CCDC178: variants seen among roughly 807,000 people sequenced by gnomAD.
CCDC178 encodes the protein coiled-coil domain containing 178.
In CCDC178, 126 loss-of-function variants were observed where a neutral mutation model predicts 117.4. That is an observed-to-expected ratio of 1.07 (90% confidence interval 0.93 to 1.24). CCDC178 has a LOEUF of 1.24. Among genes scored for constraint, CCDC178 ranks in the 50% most tolerant of loss-of-function variants. The pLI, the probability that CCDC178 is intolerant of heterozygous loss-of-function variation, is 0.00. For missense variants in CCDC178, 1,030 were observed against 986.9 expected (o/e 1.04, Z -0.59); for synonymous variants, 283 against 313.4 (o/e 0.90, Z 1.02).
chr18:33,369,210 T>C lies in CCDC178; in HGVS notation c.348+840A>G, dbSNP rs375966677. On this transcript the variant is annotated intron_variant, in intron 6 of 22. Coordinates refer to ENST00000383096, the MANE Select transcript of CCDC178 (RefSeq NM_001105528.4). ...GTAACAGTGACAAATATATATTGAG[T>C]GCATATCATTTGCTGGTACTTGTTC... is the stretch of plus-strand genomic sequence containing the variant. Among the ~76,000 whole-genome samples the C allele has an allele frequency of 2.6e-5, 4 of 152,042 alleles. No individual in the cohort carries two copies. In the East Asian group the frequency reaches 5.8e-4, roughly 22 times the overall value.
chr18:32,980,485 G>A (rs2055128851), intron 21 of CCDC178, among the ~76,000 whole-genome samples: 1 of 146,754 alleles, frequency 6.8e-6, no homozygotes, highest in African/African-American at 2.5e-5. Context: ...GCAGGAGAAT[G>A]GCGTGAACCC....
intron 21 of CCDC178, among the ~76,000 whole-genome samples, chr18:32,997,604 A>ATGTG (rs572970731): frequency 2.0e-5 from 3 of 151,364 alleles, no homozygotes; most frequent in African/African-American, 7.3e-5. Context: ...CATAAAGTGT[A>ATGTG]TGTGTGTGTG....
intron 15 of CCDC178, among the ~76,000 whole-genome samples, chr18:33,240,808 A>G (rs2059478334): frequency 6.6e-6 from 1 of 151,956 alleles, no homozygotes; most frequent in Admixed American, 6.6e-5. Flanking sequence ...TTCTGAAACT[A>G]TTCCACAAAA....
At chr18:32,989,024 T>C (rs1432413023) in intron 21 of CCDC178, among the ~76,000 whole-genome samples, 1 of 152,140 alleles carries the variant, frequency 6.6e-6, no homozygotes, top group Non-Finnish European at 1.5e-5. Flanking sequence ...TAGGATAATT[T>C]TTCCAAGTTT....
chr18:33,209,949 C>G (rs1328876736), intron 20 of CCDC178, among the ~76,000 whole-genome samples: 2 of 151,914 alleles, frequency 1.3e-5, no homozygotes, highest in African/African-American at 2.4e-5. Flanking sequence ...GAGACACACA[C>G]AGACAGAGAG....
At position 33,293,163 on chromosome 18, in the gene CCDC178, TTTGATAGAG is replaced by T. The variant is rs1463500302; in HGVS notation, c.1163_1171del (p.Ser388_Lys391delinsTer). 5.1e-6 allele frequency: 8 copies of T among 1,564,690 alleles called. No individual in the cohort carries two copies. Among genetic ancestry groups the T allele is most frequent in the Admixed American group, 3.8e-5 (2 of 53,174 alleles). On this transcript the variant is annotated stop_gained and inframe_deletion, in exon 12 of 23. Transcript: ENST00000383096. LOFTEE classifies it high-confidence loss of function. ...TTTCTAATATGAAAAACTCACCATT[TTTGATAGAG>T]AATGTAATTCATTTTTTGATGACTT...
At position 33,110,496 on chromosome 18, in the gene CCDC178, C is replaced by A. The variant is rs1413108491; in HGVS notation, c.2239-17586G>T. On this transcript the variant is annotated intron_variant, in intron 20 of 22. Transcript: ENST00000383096. ...TTACAAAATAAATCAGATGTTCTCA[C>A]AGGTTTTTCCCTAAAAGCTTTACAT... Among the ~76,000 whole-genome samples, 4 of 151,702 alleles carry A rather than the reference C, an allele frequency of 2.6e-5. No individual in the cohort carries two copies. The South Asian group carries it at 8.3e-4, about 31-fold the overall frequency.
intron 20 of CCDC178, among the ~76,000 whole-genome samples, chr18:33,098,853 T>C (rs1419239740): frequency 1.3e-5 from 2 of 152,054 alleles, no homozygotes; most frequent in Non-Finnish European, 2.9e-5. Context: ...TAATTCCTGT[T>C]CGCCAAGGAT....
At chr18:33,174,173 G>C (rs537383920) in intron 20 of CCDC178, among the ~76,000 whole-genome samples, 51 of 152,272 alleles carry the variant, frequency 3.3e-4, no homozygotes, top group Middle Eastern at 3.4e-3. Flanking sequence ...GCAACAGAGA[G>C]AGAGTCGGCA....
intron 21 of CCDC178, among the ~76,000 whole-genome samples, chr18:33,036,040 G>C (rs1198269710): frequency 6.6e-6 from 1 of 151,506 alleles, no homozygotes; most frequent in Non-Finnish European, 1.5e-5. Context: ...TAGTAATGTG[G>C]CATTTTATAT....
intron 21 of CCDC178, among the ~76,000 whole-genome samples, chr18:33,054,668 T>A (rs2056800072): frequency 1.3e-5 from 2 of 152,248 alleles, no homozygotes; most frequent in Non-Finnish European, 2.9e-5. Flanking sequence ...ATCCAGTTTA[T>A]CATTGATTGG....
chr18:33,341,091 C>T (rs2062811582), intron 9 of CCDC178, among the ~76,000 whole-genome samples: 1 of 152,216 alleles, frequency 6.6e-6, no homozygotes, highest in Non-Finnish European at 1.5e-5. Flanking sequence ...CACAGGGGTG[C>T]AGCTGCCTAA....
At chr18:33,413,808 G>A (rs1360386213) in intron 2 of CCDC178, among the ~76,000 whole-genome samples, 1 of 152,106 alleles carries the variant, frequency 6.6e-6, no homozygotes, top group East Asian at 1.9e-4. Context: ...GCCAAATGTA[G>A]GTGCCCTGAG....
intron 20 of CCDC178, among the ~76,000 whole-genome samples, chr18:33,208,148 C>T (rs546446895): frequency 1.3e-4 from 20 of 152,094 alleles, no homozygotes; most frequent in Non-Finnish European, 2.6e-4. Context: ...TTAATTGATG[C>T]TCAATCCTAT....
intron 20 of CCDC178, among the ~76,000 whole-genome samples, chr18:33,210,160 T>C (rs1202772259): frequency 1.3e-5 from 2 of 152,008 alleles, no homozygotes; most frequent in East Asian, 1.9e-4. Context: ...TGGCCAGACA[T>C]AGTACTGAGA....
intron 4 of CCDC178, 22 bp from the exon 5 acceptor site, chr18:33,389,651 T>G: frequency 1.6e-6 from 2 of 1,254,124 alleles, no homozygotes; most frequent in Non-Finnish European, 2.2e-6. Flanking sequence ...AAAAAATACA[T>G]ATTTTAGTGA....
At chr18:33,138,342 T>A (rs921204631) in intron 20 of CCDC178, among the ~76,000 whole-genome samples, 2 of 152,194 alleles carry the variant, frequency 1.3e-5, no homozygotes, top group Non-Finnish European at 2.9e-5. Flanking sequence ...CTCCACCTCA[T>A]GAGGTACAGG....
At chr18:33,174,566 T>C (rs1266891849) in intron 20 of CCDC178, among the ~76,000 whole-genome samples, 2 of 152,110 alleles carry the variant, frequency 1.3e-5, no homozygotes, top group East Asian at 1.9e-4. Context: ...TGACCAAAGA[T>C]AGGTCATCAC....
chr18:33,438,460 G>A (rs2064322733), intron 2 of CCDC178, among the ~76,000 whole-genome samples: 2 of 151,700 alleles, frequency 1.3e-5, no homozygotes, highest in Non-Finnish European at 2.9e-5. Context: ...TTCTATTTCA[G>A]CAGCATTATA....
Sources: allele counts gnomAD v4.1 joint callset (sites outside exome capture counted in the v4.1 genomes callset), GRCh38; gene constraint gnomAD v4.1.1; transcripts MANE v1.5; gene names NCBI Gene and HGNC (gene_info 2026-07-23, HGNC 2026-07-21).